USP37: variants seen among roughly 807,000 people sequenced by gnomAD.
The protein encoded by USP37 is ubiquitin specific peptidase 37, also known as ubiquitin carboxyl-terminal hydrolase 37.
Under a neutral mutation model 124.0 loss-of-function variants are expected in USP37, and 27 were observed. The observed-to-expected ratio is 0.22, with a 90% confidence interval of 0.16 to 0.30. The LOEUF (loss-of-function observed/expected upper bound fraction) is 0.30, where lower values mean the gene tolerates loss of function less well. Ranked by LOEUF, USP37 falls within the 10% of genes least tolerant of loss-of-function variation. USP37 has a pLI of 1.00. For missense variants in USP37, 889 were observed against 1,140.4 expected (o/e 0.78, Z 3.17); for synonymous variants, 365 against 388.0 (o/e 0.94, Z 0.70).
At chr2:218,500,371 T>C (rs1326524654) in intron 11 of USP37, among the ~76,000 whole-genome samples, 6 of 152,178 alleles carry the variant, frequency 3.9e-5, no homozygotes, top group Admixed American at 3.3e-4. Flanking sequence ...GCAATTCTCC[T>C]GCCTGAGCCT....
rs990112859 is a variant in USP37, at chr2:218,451,311, T to C, written c.*3619A>G. On this transcript the variant is annotated 3_prime_UTR_variant, in exon 26 of 26. Transcript: ENST00000258399. ...GATTTTTCTAAAAATCTCCTATATATACAAAATCCATATGTACTTGGAGAT... is the reference window on the plus strand; with the variant it reads ...GATTTTTCTAAAAATCTCCTATATACACAAAATCCATATGTACTTGGAGAT... The C allele has an allele frequency of 2.0e-5, 3 of 152,182 alleles. No homozygotes were observed. The highest frequency in any genetic ancestry group is 4.4e-5 in the Non-Finnish European group (3 of 68,032). 9.4% of individuals were successfully genotyped at this position (152,182 alleles called of 1,614,324 possible).
rs780176473 is a variant in USP37, at chr2:218,463,357, C to G, written c.2476G>C (p.Glu826Gln). The G allele has an allele frequency of 1.9e-6, 3 of 1,613,848 alleles. No homozygotes were observed. The highest frequency in any genetic ancestry group is 1.7e-6 in the Non-Finnish European group (2 of 1,179,968). Residue 826 changes from glutamate to glutamine, a missense_variant, in exon 22 of 26, where the codon GAA becomes CAA. Around this residue, in one of 3 missense-constraint regions of USP37, gnomAD observed 504 missense variants for 714.3 expected, o/e 0.71. Transcript: ENST00000258399. Reference protein sequence around the residue: ...AQSLQEQEAWEQKEDDDLKRA... With the variant: ...AQSLQEQEAWQQKEDDDLKRA... The stretch of plus-strand genomic sequence containing the variant: ...TTGAGGTCATCATCTTCTTTCTGTT[C>G]CCAAGCCTCCTAAAGGGAAAAGAAC...
chr2:218,544,150 C>A (rs940492830), intron 8 of USP37, among the ~76,000 whole-genome samples: 4 of 151,734 alleles, frequency 2.6e-5, no homozygotes, highest in African/African-American at 7.3e-5. Context: ...GAGGTCGAGG[C>A]GGGCAGATCA....
At chr2:218,556,510 T>TG (rs1228636243) in intron 4 of USP37, among the ~76,000 whole-genome samples, 26 of 131,688 alleles carry the variant, frequency 2.0e-4, no homozygotes, top group Admixed American at 3.8e-4. Context: ...TCTGTTTTTT[T>TG]TTTTTTTTTT....
chr2:218,547,713 T>C (rs1692438698), intron 6 of USP37, among the ~76,000 whole-genome samples: 1 of 152,130 alleles, frequency 6.6e-6, no homozygotes, highest in African/African-American at 2.4e-5. Flanking sequence ...TGACATTTGG[T>C]TGCCACAACT....
intron 4 of USP37, 87 bp downstream of exon 4, chr2:218,558,411 G>T: frequency 8.5e-7 from 1 of 1,179,678 alleles, no homozygotes. Flanking sequence ...TAGGAGGAGG[G>T]CTACTGTGAT....
intron 9 of USP37, among the ~76,000 whole-genome samples, chr2:218,532,084 G>A (rs1691357066): frequency 6.6e-6 from 1 of 152,198 alleles, no homozygotes; most frequent in Non-Finnish European, 1.5e-5. Context: ...AAGAAGTTCT[G>A]TGGGTAAAAT....
At chr2:218,523,327 C>T (rs1410935982) in intron 10 of USP37, among the ~76,000 whole-genome samples, 1 of 152,152 alleles carries the variant, frequency 6.6e-6, no homozygotes, top group Non-Finnish European at 1.5e-5. Flanking sequence ...TTGATCATCC[C>T]TAATCTGAAA....
At position 218,557,930 on chromosome 2, in the gene USP37, CAAAAAAAAAAAA is replaced by C. The variant is rs61488353; in HGVS notation, c.156+556_156+567del. ...TGGGTGACAGAGGAAGACTCTGTCT[CAAAAAAAAAAAA>C]AAAAAAAAGGTGAAAAGAAAATTAA... is the stretch of plus-strand genomic sequence containing the variant. On this transcript the variant is annotated intron_variant, in intron 4 of 25. Coordinates refer to ENST00000258399, the MANE Select transcript of USP37 (RefSeq NM_020935.3). 8.4e-5 allele frequency among the ~76,000 whole-genome samples: 3 copies of C among 35,668 alleles called. No individual in the cohort carries two copies. In the Admixed American group the frequency reaches 1.5e-3, roughly 18 times the overall value. The allele number at this position is 35,668 out of a possible 152,430, so 23.4% of individuals were successfully genotyped here.
At chr2:218,565,350 T>G (rs1423927059) in intron 1 of USP37, among the ~76,000 whole-genome samples, 1 of 152,220 alleles carries the variant, frequency 6.6e-6, no homozygotes, top group African/African-American at 2.4e-5. Flanking sequence ...AAACCACTAC[T>G]CTGATTTTTG....
chr2:218,499,505 C>T (rs935159711), intron 11 of USP37, among the ~76,000 whole-genome samples: 5 of 151,956 alleles, frequency 3.3e-5, no homozygotes, highest in Admixed American at 6.6e-5. Flanking sequence ...TTCATAAGAC[C>T]ATTCTTATAA....
At chr2:218,563,140 G>C (rs1245301551) in intron 1 of USP37, among the ~76,000 whole-genome samples, 1 of 137,446 alleles carries the variant, frequency 7.3e-6, no homozygotes, top group Non-Finnish European at 1.5e-5. Context: ...TCCAACCTGG[G>C]CAACAAGAGC....
At chr2:218,475,148 T>C (rs1384185979) in intron 19 of USP37, among the ~76,000 whole-genome samples, 6 of 152,122 alleles carry the variant, frequency 3.9e-5, no homozygotes. Context: ...AATAATAAAA[T>C]AAATTCATTC....
chr2:218,455,564 T>C lies in USP37; in HGVS notation c.2852+16A>G. 3 of 1,585,108 alleles carry C rather than the reference T, an allele frequency of 1.9e-6. No homozygotes were observed. The highest frequency in any genetic ancestry group is 1.2e-5 in the South Asian group (1 of 85,352). ...GATTTCTAACTCATTATTTAGAATCTGGCAAAGTTTCTTACTTGTGCATAT... is the reference window on the plus strand; with the variant it reads ...GATTTCTAACTCATTATTTAGAATCCGGCAAAGTTTCTTACTTGTGCATAT... On this transcript the variant is annotated intron_variant, in intron 25 of 25. Coordinates refer to ENST00000258399, the MANE Select transcript of USP37 (RefSeq NM_020935.3).
intron 8 of USP37, among the ~76,000 whole-genome samples, chr2:218,535,365 TAA>T (rs56044991): frequency 3.2e-5 from 4 of 125,728 alleles, no homozygotes; most frequent in African/African-American, 5.9e-5. Context: ...GTCTTAGTCT[TAA>T]AAAAAAAAAA....
At chr2:218,473,137 T>C (rs532691071) in intron 20 of USP37, 3 of 152,330 alleles carry the variant, frequency 2.0e-5, no homozygotes, top group African/African-American at 4.8e-5. Context: ...TTTCAGGCTA[T>C]AAAAACTGTA....
chr2:218,553,571 G>A lies in USP37; in HGVS notation c.310C>T (p.Gln104Ter). The change falls in exon 5 of 26, where the codon CAA becomes TAA. Residue 104 changes from glutamine (Q) to a stop codon, truncating the protein, a stop_gained. Coordinates refer to ENST00000258399, the MANE Select transcript of USP37 (RefSeq NM_020935.3). LOFTEE classifies it high-confidence loss of function. ...EMRLFLDAVH[Q>*]NRLPAAMKPS... ...TACTCACCTGCAGGAAGTCTGTTTT[G>A]ATGGACTGCATCTAGAAACAACCTC... The A allele has an allele frequency of 6.2e-7, 1 of 1,613,298 alleles. No homozygotes were observed. The highest frequency in any genetic ancestry group is 8.5e-7 in the Non-Finnish European group (1 of 1,179,586).
At chr2:218,548,280 AC>A (rs1692475637) in intron 6 of USP37, among the ~76,000 whole-genome samples, 1 of 152,092 alleles carries the variant, frequency 6.6e-6, no homozygotes. Flanking sequence ...CTACATGTCC[AC>A]TGTTTTGCAA....
chr2:218,542,146 C>G (rs1169593329), intron 8 of USP37, among the ~76,000 whole-genome samples: 1 of 152,124 alleles, frequency 6.6e-6, no homozygotes, highest in Non-Finnish European at 1.5e-5. Context: ...GCTTGGCTTC[C>G]TCTTCTTCTC....
Sources: allele counts gnomAD v4.1 joint callset (sites outside exome capture counted in the v4.1 genomes callset), GRCh38; gene constraint gnomAD v4.1.1; regional missense constraint gnomAD v4.1.1; transcripts MANE v1.5; gene names NCBI Gene and HGNC (gene_info 2026-07-23, HGNC 2026-07-21).